The following CNTNAP4 variants were observed in gnomAD, a reference collection of about 807,000 sequenced individuals.
CNTNAP4 encodes contactin associated protein family member 4.
CNTNAP4 carries 98 observed loss-of-function variants against 148.4 expected under a neutral mutation model. The ratio of observed to expected loss-of-function variants is 0.66; its 90% CI spans 0.56 to 0.78. CNTNAP4 has a LOEUF of 0.78. Among genes scored for constraint, CNTNAP4 ranks in the 30% least tolerant of loss-of-function variants. The pLI is 0.00. For synonymous variants in CNTNAP4, 730 were observed against 565.1 expected, an observed-to-expected ratio of 1.29 and a Z score of -4.14; for missense variants, 1,935 against 1,565.6, an observed-to-expected ratio of 1.24 and a Z score of -3.98.
At chr16:76,375,850 A>G (rs147973839) in intron 3 of CNTNAP4, among the ~76,000 whole-genome samples, 12 of 152,344 alleles carry the variant, frequency 7.9e-5, no homozygotes, top group African/African-American at 2.9e-4. Flanking sequence ...CTAAAAAGAA[A>G]GATGAGATGG....
intron 3 of CNTNAP4, among the ~76,000 whole-genome samples, chr16:76,399,344 G>A (rs1209235974): frequency 6.6e-6 from 1 of 152,162 alleles, no homozygotes; most frequent in African/African-American, 2.4e-5. Context: ...GAGATGATGT[G>A]TGAAAAGTAA....
chr16:76,515,639 C>G (rs940822206), intron 15 of CNTNAP4, among the ~76,000 whole-genome samples: 2 of 152,098 alleles, frequency 1.3e-5, no homozygotes, highest in African/African-American at 4.8e-5. Flanking sequence ...CCTGGGCAGA[C>G]TAACACAATG....
In CNTNAP4 at chr16:76,457,688, T is replaced by G. The variant is rs368603554; in HGVS notation, c.1334-4268T>G. 3.9e-5 allele frequency among the ~76,000 whole-genome samples: 6 copies of G among 152,312 alleles called. 1 individual carries two copies. In the East Asian group the frequency reaches 9.6e-4, roughly 24 times the overall value. ...TAACTGATCTATGATGAGATGAATG[T>G]TAAAATTGAGATTAAACTCCTAGAA... On this transcript the variant is annotated intron_variant, in intron 8 of 23. Coordinates refer to ENST00000611870, the MANE Select transcript of CNTNAP4 (RefSeq NM_033401.5).
chr16:76,325,309 CTG>C (rs1962859347), intron 2 of CNTNAP4, among the ~76,000 whole-genome samples: 1 of 152,010 alleles, frequency 6.6e-6, no homozygotes, highest in African/African-American at 2.4e-5. Flanking sequence ...TTTATATACT[CTG>C]TGTAGTTATT....
intron 1 of CNTNAP4, among the ~76,000 whole-genome samples, chr16:76,301,101 C>A (rs893650143): frequency 2.0e-5 from 3 of 152,004 alleles, no homozygotes; most frequent in African/African-American, 7.2e-5. Context: ...CCATAGTCTT[C>A]ATAATTCCAG....
chr16:76,323,430 T>C (rs11860370), intron 2 of CNTNAP4, among the ~76,000 whole-genome samples: 48,026 of 152,016 alleles, frequency 0.32, 8,011 homozygotes, highest in Non-Finnish European at 0.35. Flanking sequence ...GTATCACTTG[T>C]TCTAATAAAT....
At chr16:76,308,888 G>C (rs925671120) in intron 1 of CNTNAP4, among the ~76,000 whole-genome samples, 1 of 151,870 alleles carries the variant, frequency 6.6e-6, no homozygotes, top group Non-Finnish European at 1.5e-5. Context: ...GCAGTGGTGC[G>C]ATCATAGCTC....
At position 76,505,243 on chromosome 16, in the gene CNTNAP4, G is replaced by A. The variant is rs374109183; in HGVS notation, c.2365+6549G>A. Among the ~76,000 whole-genome samples, 7 of 41,234 alleles carry A rather than the reference G, an allele frequency of 1.7e-4. 3 individuals are homozygous for A. 27.1% of individuals were successfully genotyped at this position (41,234 alleles called of 152,430 possible). The stretch of plus-strand genomic sequence containing the variant: ...TTTATCAACTAGTGAAAGGATACAC[G>A]TTCCATTTTACTGTGGTGTACCCAC... On this transcript the variant is annotated intron_variant, in intron 15 of 23. Transcript: ENST00000611870.
At position 76,480,982 on chromosome 16, in the gene CNTNAP4, C is replaced by T. The variant is rs569364647; in HGVS notation, c.1882+1444C>T. On this transcript the variant is annotated intron_variant, in intron 12 of 23. Transcript: ENST00000611870. ...AACAAATTTGAAGGATTCAGCTCTA[C>T]TGGATATAGGCATTATACTGATTGG... Among the ~76,000 whole-genome samples, 104 of 152,274 alleles carry T rather than the reference C, an allele frequency of 6.8e-4. 2 individuals are homozygous for T. In the South Asian group the frequency reaches 0.019, roughly 28 times the overall value.
intron 15 of CNTNAP4, among the ~76,000 whole-genome samples, chr16:76,517,164 T>C (rs955679865): frequency 5.9e-5 from 9 of 152,132 alleles, no homozygotes; most frequent in Non-Finnish European, 1.2e-4. Context: ...GACAAAATTA[T>C]AGAAATGAGG....
At chr16:76,307,775 T>G (rs1020802012) in intron 1 of CNTNAP4, among the ~76,000 whole-genome samples, 4 of 152,172 alleles carry the variant, frequency 2.6e-5, no homozygotes, top group Non-Finnish European at 1.5e-5. Context: ...TAGTTGCTAT[T>G]AAACCTCTAA....
chr16:76,469,546 T>C (rs1412993188), intron 10 of CNTNAP4: 1 of 152,200 alleles, frequency 6.6e-6, no homozygotes, highest in Non-Finnish European at 1.5e-5. Flanking sequence ...TTATCTCAGA[T>C]TGCTGAACAT....
chr16:76,332,500 G>A (rs890755610), intron 2 of CNTNAP4, among the ~76,000 whole-genome samples: 4 of 152,078 alleles, frequency 2.6e-5, no homozygotes, highest in African/African-American at 9.6e-5. Flanking sequence ...TTGGGCTCAA[G>A]CAATCTGGCC....
intron 11 of CNTNAP4, among the ~76,000 whole-genome samples, chr16:76,476,581 C>A (rs182326360): frequency 1.9e-3 from 285 of 152,236 alleles, no homozygotes; most frequent in Admixed American, 6.9e-3. Context: ...GTATTTCTCA[C>A]CATTCTGGAG....
intron 15 of CNTNAP4, among the ~76,000 whole-genome samples, chr16:76,510,203 G>C (rs530005924): frequency 4.0e-5 from 6 of 151,448 alleles, no homozygotes; most frequent in Non-Finnish European, 8.8e-5. Context: ...TTTTTCTACA[G>C]ACTTGCATAT....
At chr16:76,343,385 T>A (rs1330823829) in intron 2 of CNTNAP4, among the ~76,000 whole-genome samples, 1 of 152,162 alleles carries the variant, frequency 6.6e-6, no homozygotes, top group African/African-American at 2.4e-5. Flanking sequence ...AATGATATGT[T>A]TTTTCCCTCT....
chr16:76,429,634 A>G (rs751265285), intron 4 of CNTNAP4, among the ~76,000 whole-genome samples: 1 of 152,180 alleles, frequency 6.6e-6, no homozygotes, highest in Non-Finnish European at 1.5e-5. Flanking sequence ...CTGGCTCTAA[A>G]GCACCAGGTA....
intron 2 of CNTNAP4, among the ~76,000 whole-genome samples, chr16:76,337,663 G>C (rs1355408081): frequency 1.3e-5 from 2 of 152,122 alleles, no homozygotes; most frequent in African/African-American, 4.8e-5. Flanking sequence ...AATTCACCAG[G>C]CTGGAATTTC....
At chr16:76,356,228 T>G (rs532869137) in intron 3 of CNTNAP4, among the ~76,000 whole-genome samples, 1 of 152,304 alleles carries the variant, frequency 6.6e-6, no homozygotes, top group South Asian at 2.1e-4. Flanking sequence ...TTATTTCTTC[T>G]GATAACTGAG....
Sources: allele counts gnomAD v4.1 joint callset (sites outside exome capture counted in the v4.1 genomes callset), GRCh38; gene constraint gnomAD v4.1.1; transcripts MANE v1.5; gene names NCBI Gene and HGNC (gene_info 2026-07-23, HGNC 2026-07-21).